Variants in GSN observed in about 807,000 individuals in gnomAD.
GSN encodes gelsolin, also known as actin-depolymerizing factor.
GSN carries 56 observed loss-of-function variants against 85.7 expected under a neutral mutation model. The observed-to-expected ratio is 0.65, with a 90% CI of 0.53 to 0.82. The LOEUF (loss-of-function observed/expected upper bound fraction) is 0.82. Among genes scored for constraint, GSN ranks in the 40% least tolerant of loss-of-function variants. GSN has a pLI of 0.00. For synonymous variants in GSN, 373 were observed against 399.1 expected, an observed-to-expected ratio of 0.93 and a Z score of 0.78; for missense variants, 857 against 979.8, an observed-to-expected ratio of 0.87 and a Z score of 1.67.
chr9:121,326,703 C>G, intron 13 of GSN, 21 bp downstream of exon 13: 1 of 1,602,592 alleles, frequency 6.2e-7, no homozygotes, highest in Non-Finnish European at 8.5e-7. Context: ...GGTCCTGGAA[C>G]ACAGAAGGGA....
rs1210206008 is a variant in GSN, at chr9:121,318,410, G to C, written c.891G>C (p.Lys297Asn). ...ACTTCCTCTGGCTGCCAACAGGCAAGCAGGCAAACACGGAGGAGAGGAAGG... is the reference window on the plus strand; with the variant it reads ...ACTTCCTCTGGCTGCCAACAGGCAACCAGGCAAACACGGAGGAGAGGAAGG... ...KDGKIFVWKGKQANTEERKAA... is the reference protein window; with the variant it reads ...KDGKIFVWKGNQANTEERKAA... The change falls in exon 9 of 18, where the codon AAG (lysine) becomes AAC (asparagine). Residue 297 changes from lysine (K) to asparagine (N), a missense_variant. Coordinates refer to ENST00000432226, the MANE Select transcript of GSN (RefSeq NM_198252.3). The surrounding 1 kb of genome is among the most constrained non-coding windows in gnomAD (Gnocchi z 4.3). 6.2e-7 allele frequency: 1 copy of C among 1,613,752 alleles called. No individual in the cohort carries two copies. The highest frequency in any genetic ancestry group is 8.5e-7 in the Non-Finnish European group (1 of 1,179,734).
At chr9:121,212,421 G>A (rs528075116) in intron 4 of GSN, among the ~76,000 whole-genome samples, 2 of 152,170 alleles carry the variant, frequency 1.3e-5, no homozygotes, top group East Asian at 1.9e-4. Context: ...CCACTTCACC[G>A]TAGCCCTCTA....
At position 121,302,098 on chromosome 9, in the gene GSN, G is replaced by T. The variant is rs148748121; in HGVS notation, c.127G>T (p.Ala43Ser). Residue 43 changes from alanine (A) to serine (S), a missense_variant, in exon 3 of 18, where the codon GCC becomes TCC. Transcript: ENST00000432226. ...TTATGGAGACTTCTTCACGGGCGAC[G>T]CCTACGTCATCCTGAAGACAGTGCA... ...NLYGDFFTGDAYVILKTVQLR... is the reference protein window; with the variant it reads ...NLYGDFFTGDSYVILKTVQLR... 2.2e-4 allele frequency: 348 copies of T among 1,614,182 alleles called. No individual in the cohort carries two copies. In the African/African-American group the frequency reaches 4.2e-3, roughly 19 times the overall value.
upstream of GSN, among the ~76,000 whole-genome samples, chr9:121,205,484 A>T (rs1210574617): frequency 6.6e-6 from 1 of 152,188 alleles, no homozygotes; most frequent in Non-Finnish European, 1.5e-5. Flanking sequence ...GAGAACACAG[A>T]TGGAGAGAGA....
chr9:121,207,705 C>T (rs2053904794), upstream of GSN: 1 of 151,756 alleles, frequency 6.6e-6, no homozygotes, highest in South Asian at 2.1e-4. Context: ...GGTTTTGAGA[C>T]TCAAACTGAC....
At chr9:121,317,371 A>C in intron 8 of GSN, 153 bp downstream of exon 8, 1 of 843,360 alleles carries the variant, frequency 1.2e-6, no homozygotes. Context: ...TTTGCATTTG[A>C]CATACTGTGT....
chr9:121,269,952 C>A (rs1464839668), intron 1 of GSN, among the ~76,000 whole-genome samples: 3 of 152,190 alleles, frequency 2.0e-5, no homozygotes, highest in African/African-American at 7.2e-5. Context: ...TGGAAGAGGA[C>A]AGAGCTCTCT....
intron 5 of GSN, among the ~76,000 whole-genome samples, chr9:121,240,929 T>A (rs1289508901): frequency 1.3e-5 from 2 of 152,244 alleles, no homozygotes; most frequent in Non-Finnish European, 2.9e-5. Flanking sequence ...AAGAGCACTC[T>A]TGGTGAAATC....
At chr9:121,306,128 G>A (rs2060393515) in intron 4 of GSN, among the ~76,000 whole-genome samples, 1 of 152,094 alleles carries the variant, frequency 6.6e-6, no homozygotes, top group Admixed American at 6.6e-5. Flanking sequence ...ACTGAATCCT[G>A]GAGACCCCGT....
At chr9:121,328,367 G>A (rs12347582) in intron 14 of GSN, among the ~76,000 whole-genome samples, 5,871 of 152,290 alleles carry the variant, frequency 0.039, 342 homozygotes, top group Admixed American at 0.15. Context: ...AGTCACATGT[G>A]GCTGTTGAGC....
chr9:121,245,033 G>GA (rs2054672473), intron 5 of GSN, among the ~76,000 whole-genome samples: 1 of 151,966 alleles, frequency 6.6e-6, no homozygotes. Flanking sequence ...GCAAAATTAA[G>GA]AAAAAATCAA....
At chr9:121,249,591 T>A (rs2054774430) in intron 6 of GSN, among the ~76,000 whole-genome samples, 2 of 152,244 alleles carry the variant, frequency 1.3e-5, no homozygotes, top group African/African-American at 4.8e-5. Context: ...ATATTTCTAT[T>A]TATCTATTCT....
Position 121,299,901 on chromosome 9 carries a change from C to T in GSN, c.-9-2062C>T. On this transcript the variant is annotated intron_variant, in intron 2 of 17. Coordinates refer to ENST00000432226, the MANE Select transcript of GSN (RefSeq NM_198252.3). The surrounding 1 kb of genome is among the most constrained non-coding windows in gnomAD (Gnocchi z 4.2). Reference sequence around the variant, plus strand: ...CCCCGCGCCCGCGCTGCTTTGCGCGCTGTCCCTGGCGCTGTGCGCGCTGTC... The same window carrying T: ...CCCCGCGCCCGCGCTGCTTTGCGCGTTGTCCCTGGCGCTGTGCGCGCTGTC... 2 of 1,298,608 alleles carry T rather than the reference C, an allele frequency of 1.5e-6. No homozygotes were observed. Among genetic ancestry groups the T allele is most frequent in the Non-Finnish European group, 2.0e-6 (2 of 1,016,182 alleles). 80.4% of individuals were successfully genotyped at this position (1,298,608 alleles called of 1,614,324 possible). A position where few individuals can be genotyped will look rare whatever the true frequency, so the allele number is the denominator to read the frequency against.
intron 4 of GSN, among the ~76,000 whole-genome samples, chr9:121,216,919 ACTGT>A (rs1468380853): frequency 2.0e-5 from 3 of 152,156 alleles, no homozygotes; most frequent in South Asian, 2.1e-4. Flanking sequence ...CTTGTGGATG[ACTGT>A]CTTCTTCCTG....
At chr9:121,284,907 A>G (rs909071675) in intron 2 of GSN, 4 of 167,462 alleles carry the variant, frequency 2.4e-5, no homozygotes, top group African/African-American at 9.7e-5. Flanking sequence ...CCCCCACCGC[A>G]CACACACAGC....
At chr9:121,232,131 G>C (rs576516805) in intron 5 of GSN, among the ~76,000 whole-genome samples, 1 of 152,310 alleles carries the variant, frequency 6.6e-6, no homozygotes. Flanking sequence ...GAAGTGATGG[G>C]AGAGACCAGA....
At chr9:121,220,343 C>A (rs1022549923) in intron 4 of GSN, among the ~76,000 whole-genome samples, 1 of 150,128 alleles carries the variant, frequency 6.7e-6, no homozygotes, top group African/African-American at 2.4e-5. Flanking sequence ...CTCCCCTAGC[C>A]CACTGATATC....
intron 4 of GSN, among the ~76,000 whole-genome samples, chr9:121,217,994 T>C (rs529686886): frequency 6.6e-6 from 1 of 152,128 alleles, no homozygotes; most frequent in African/African-American, 2.4e-5. Context: ...ACGATCAAAT[T>C]GTCCATATTG....
upstream of GSN, among the ~76,000 whole-genome samples, chr9:121,206,660 A>C (rs1461988694): frequency 6.6e-6 from 1 of 152,138 alleles, no homozygotes; most frequent in Non-Finnish European, 1.5e-5. Flanking sequence ...TTGTCATTGA[A>C]GCATTCCTTT....
Sources: allele counts gnomAD v4.1 joint callset (sites outside exome capture counted in the v4.1 genomes callset), GRCh38; gene constraint gnomAD v4.1.1; non-coding constraint Gnocchi (gnomAD v3.1); transcripts MANE v1.5; gene names NCBI Gene and HGNC (gene_info 2026-07-23, HGNC 2026-07-21).